The following C4orf33 variants were observed in gnomAD, a reference collection of about 807,000 sequenced individuals.
C4orf33 encodes the protein UPF0462 protein C4orf33.
A neutral mutation model predicts 24.3 loss-of-function variants in C4orf33; 20 were observed. The observed-to-expected ratio is 0.82, with a 90% confidence interval of 0.58 to 1.19. C4orf33 has a LOEUF of 1.19. C4orf33 is among the 50% of genes most tolerant of loss of function. The pLI is 0.00. For synonymous variants in C4orf33, 67 were observed against 76.4 expected (o/e 0.88, Z 0.64); for missense variants, 207 against 225.9 (o/e 0.92, Z 0.54).
At chr4:129,111,556 T>G in intron 5 of C4orf33, 130 bp from the exon 6 acceptor site, 1 of 547,284 alleles carries the variant, frequency 1.8e-6, no homozygotes, top group African/African-American at 1.9e-5. Flanking sequence ...ATAAAATATA[T>G]CTTACCTTTA....
At chr4:129,109,214 A>T in intron 3 of C4orf33, 93 bp from the exon 4 acceptor site, 1 of 1,238,116 alleles carries the variant, frequency 8.1e-7, no homozygotes, top group Non-Finnish European at 1.2e-6. Flanking sequence ...TTGGAAAATT[A>T]GTTGCAAGCA....
At position 129,113,277 on chromosome 4, in the gene C4orf33, C is replaced by T. The variant is rs540739806; in HGVS notation, c.*1486C>T. Reference sequence around the variant, plus strand: ...TAGATGTTTTTTAAACATCTCTTAACTTTCTTTCATCTAGATAAGGCATTT... The same window carrying T: ...TAGATGTTTTTTAAACATCTCTTAATTTTCTTTCATCTAGATAAGGCATTT... On this transcript the variant is annotated 3_prime_UTR_variant, in exon 6 of 6. Transcript: ENST00000425929. 1 of 152,234 alleles carries T rather than the reference C, an allele frequency of 6.6e-6. No homozygotes were observed. Among genetic ancestry groups the T allele is most frequent in the East Asian group, 1.9e-4 (1 of 5,180 alleles). The allele number at this position is 152,234 out of a possible 1,614,324, so 9.4% of individuals were successfully genotyped here. A position where few individuals can be genotyped will look rare whatever the true frequency, so the allele number is the denominator to read the frequency against.
chr4:129,105,375 C>G (rs1237545401), intron 2 of C4orf33, among the ~76,000 whole-genome samples: 1 of 152,158 alleles, frequency 6.6e-6, no homozygotes, highest in African/African-American at 2.4e-5. Context: ...ATGTTAATCT[C>G]ATCTTTAAAA....
Position 129,108,442 on chromosome 4 carries a change from G to T in C4orf33, c.243-865G>T, listed in dbSNP as rs11936163. On this transcript the variant is annotated intron_variant, in intron 3 of 5. Transcript: ENST00000425929. The stretch of plus-strand genomic sequence containing the variant: ...ATGCTGAATGAATGGTAGAAAGCAG[G>T]AAAACACAAGAGGCAGACATGTTGA... Among the ~76,000 whole-genome samples the T allele has an allele frequency of 7.9e-3, 1,207 of 152,082 alleles. 14 individuals are homozygous for T. Among genetic ancestry groups the T allele is most frequent in the African/African-American group, 0.028 (1,158 of 41,478 alleles).
At chr4:129,107,989 G>C (rs905371943) in intron 3 of C4orf33, among the ~76,000 whole-genome samples, 2 of 151,962 alleles carry the variant, frequency 1.3e-5, no homozygotes, top group Non-Finnish European at 2.9e-5. Context: ...GAGTAGTTTG[G>C]TTTCTTATGT....
chr4:129,099,703 T>C (rs1753299136), intron 1 of C4orf33, among the ~76,000 whole-genome samples: 1 of 152,212 alleles, frequency 6.6e-6, no homozygotes. Context: ...ACAATTAAGT[T>C]GTCTTTACTT....
chr4:129,097,499 A>T (rs923468002), intron 1 of C4orf33, among the ~76,000 whole-genome samples: 6 of 152,218 alleles, frequency 3.9e-5, no homozygotes, highest in African/African-American at 7.2e-5. Context: ...CATAGATGTT[A>T]ATTCAGAGCT....
At chr4:129,109,387 C>A (rs754512433) in intron 4 of C4orf33, 29 bp downstream of exon 4, 8 of 1,603,662 alleles carry the variant, frequency 5.0e-6, no homozygotes, top group African/African-American at 1.3e-5. Context: ...GAGGCAAAAT[C>A]ATTACGTACA....
chr4:129,101,421 G>A (rs988320084), intron 1 of C4orf33, among the ~76,000 whole-genome samples: 4 of 151,986 alleles, frequency 2.6e-5, no homozygotes, highest in Non-Finnish European at 5.9e-5. Context: ...GTTTGGAAAG[G>A]TTATCAGGTA....
upstream of C4orf33, chr4:129,096,150 G>T (rs115126592): frequency 0.018 from 2,685 of 152,210 alleles, 97 homozygotes; most frequent in African/African-American, 0.062. Context: ...GCCTAAAGCC[G>T]AGCCCTCTCC....
rs1753778021 is a variant in C4orf33, at chr4:129,116,426, T to G, written c.*4635T>G. 1 of 152,190 alleles carries G rather than the reference T, an allele frequency of 6.6e-6. No individual in the cohort carries two copies. The highest frequency in any genetic ancestry group is 6.5e-5 in the Admixed American group (1 of 15,272). 9.4% of individuals were successfully genotyped at this position (152,190 alleles called of 1,614,324 possible). Reference sequence around the variant, plus strand: ...AGAGAATGCAAGGTTTAGTAAAAATTTATTTTCTTTTGGCAGCCTATCACC... The same window carrying G: ...AGAGAATGCAAGGTTTAGTAAAAATGTATTTTCTTTTGGCAGCCTATCACC... On this transcript the variant is annotated 3_prime_UTR_variant, in exon 6 of 6. Coordinates refer to ENST00000425929, the MANE Select transcript of C4orf33 (RefSeq NM_001099783.2).
chr4:129,094,591 G>A (rs1753124033), upstream of C4orf33, among the ~76,000 whole-genome samples: 1 of 152,154 alleles, frequency 6.6e-6, no homozygotes, highest in South Asian at 2.1e-4. Context: ...TTAGGCATCT[G>A]AAGGCCTTAC....
In C4orf33 at chr4:129,102,599, T is replaced by A; in HGVS notation, c.-9-3T>A. On this transcript the variant is annotated splice_polypyrimidine_tract_variant and splice_region_variant and intron_variant, in intron 1 of 5. Transcript: ENST00000425929. ...GAGTTTGTTTTAACATATTTTCTTTTAGAGACTTCAGATGGATTTTAAAAT... is the reference window on the plus strand; with the variant it reads ...GAGTTTGTTTTAACATATTTTCTTTAAGAGACTTCAGATGGATTTTAAAAT... 2 of 1,581,596 alleles carry A rather than the reference T, an allele frequency of 1.3e-6. No individual in the cohort carries two copies. Among genetic ancestry groups the A allele is most frequent in the South Asian group, 2.3e-5 (2 of 86,890 alleles).
chr4:129,110,456 A>G (rs999107266), intron 5 of C4orf33, among the ~76,000 whole-genome samples: 3 of 152,188 alleles, frequency 2.0e-5, no homozygotes, highest in Admixed American at 6.5e-5. Flanking sequence ...TTCTGCAAGG[A>G]CTACTCCTTT....
intron 2 of C4orf33, among the ~76,000 whole-genome samples, chr4:129,106,360 T>G (rs1272894151): frequency 6.6e-6 from 1 of 152,094 alleles, no homozygotes; most frequent in Non-Finnish European, 1.5e-5. Context: ...TAGTTTTAAT[T>G]AATCTTTTCA....
intron 1 of C4orf33, among the ~76,000 whole-genome samples, chr4:129,097,892 A>G (rs1019206304): frequency 9.9e-5 from 15 of 152,124 alleles, no homozygotes; most frequent in Non-Finnish European, 1.8e-4. Context: ...TTGTGGTTTT[A>G]GTTTGCATTT....
chr4:129,111,336 T>C (rs911084843), intron 5 of C4orf33, among the ~76,000 whole-genome samples: 3 of 152,248 alleles, frequency 2.0e-5, no homozygotes, highest in East Asian at 3.8e-4. Context: ...ATGACTGATA[T>C]AAATTATATC....
intron 1 of C4orf33, among the ~76,000 whole-genome samples, chr4:129,097,204 G>T (rs550104131): frequency 2.0e-5 from 3 of 152,200 alleles, no homozygotes; most frequent in Admixed American, 2.0e-4. Flanking sequence ...ACCGCGCCCG[G>T]CCAAAAAATA....
At chr4:129,102,159 A>T (rs1753374015) in intron 1 of C4orf33, 1 of 152,372 alleles carries the variant, frequency 6.6e-6, no homozygotes, top group Admixed American at 6.5e-5. Flanking sequence ...AAGACAAAGG[A>T]TGACATAAGA....
Sources: gnomAD v4.1 joint callset for allele counts (sites outside exome capture counted in the v4.1 genomes callset) on GRCh38, gnomAD v4.1.1 for gene constraint, MANE v1.5 for transcripts, NCBI Gene and HGNC (gene_info 2026-07-23, HGNC 2026-07-21) for gene names.